The following OSR1 variants were observed in gnomAD, a reference collection of about 807,000 sequenced individuals.
OSR1 encodes protein odd-skipped-related 1.
A neutral mutation model predicts 15.7 loss-of-function variants in OSR1; 3 were observed. The ratio of observed to expected loss-of-function variants is 0.19; its 90% CI spans 0.09 to 0.50. OSR1 has a LOEUF of 0.50. Ranked by LOEUF, OSR1 falls within the 20% of genes least tolerant of loss-of-function variation. The pLI, the probability that OSR1 is intolerant of heterozygous loss-of-function variation, is 0.97. For synonymous variants in OSR1, 166 were observed against 152.7 expected (o/e 1.09, Z -0.64); for missense variants, 271 against 351.1 (o/e 0.77, Z 1.82).
At chr2:19,348,908 C>T (rs2103356771), downstream of OSR1, among the ~76,000 whole-genome samples, 1 of 152,330 alleles carries the variant, frequency 6.6e-6, no homozygotes, top group Admixed American at 6.5e-5. Context: ...GCTTCCCCAG[C>T]CGTACACAAA....
At chr2:19,351,299 A>T (rs1474756699), downstream of OSR1, among the ~76,000 whole-genome samples, 2 of 151,998 alleles carry the variant, frequency 1.3e-5, no homozygotes, top group Non-Finnish European at 2.9e-5. Context: ...AAATCAATAC[A>T]TGGTGGGGCG....
chr2:19,347,656 C>A (rs757725906), downstream of OSR1, among the ~76,000 whole-genome samples: 2 of 152,188 alleles, frequency 1.3e-5, no homozygotes, highest in African/African-American at 4.8e-5. Flanking sequence ...GACACCAGGG[C>A]GTTCCACCGG....
intron 2 of OSR1, among the ~76,000 whole-genome samples, chr2:19,352,863 C>CA (rs1664868132): frequency 6.6e-6 from 1 of 152,198 alleles, no homozygotes; most frequent in Admixed American, 6.5e-5. Flanking sequence ...ACATGTCACA[C>CA]CCCTGAGGAT....
In OSR1 at chr2:19,357,605, A is replaced by G. The variant is rs907177339; in HGVS notation, c.-33+736T>C. 5 of 152,186 alleles carry G rather than the reference A, an allele frequency of 3.3e-5. No homozygotes were observed. Among genetic ancestry groups the G allele is most frequent in the Admixed American group, 3.3e-4 (5 of 15,280 alleles). The allele number at this position is 152,186 out of a possible 1,614,324, so 9.4% of individuals were successfully genotyped here. A position where few individuals can be genotyped will look rare whatever the true frequency, so the allele number is the denominator to read the frequency against. On this transcript the variant is annotated intron_variant, in intron 1 of 2. Coordinates refer to ENST00000272223, the MANE Select transcript of OSR1 (RefSeq NM_145260.3). The surrounding 1 kb of genome is among the most constrained non-coding windows in gnomAD (Gnocchi z 5.0). Reference sequence around the variant, plus strand: ...CAGCCCGGAGACCCTAGGGCTCCACAGAGTTTCCACTAGTGCTGTGTGTGG... The same window carrying G: ...CAGCCCGGAGACCCTAGGGCTCCACGGAGTTTCCACTAGTGCTGTGTGTGG...
Position 19,357,053 on chromosome 2 carries a change from G to A in OSR1, c.-33+1288C>T, listed in dbSNP as rs763914998. On this transcript the variant is annotated intron_variant, in intron 1 of 2. Coordinates refer to ENST00000272223, the MANE Select transcript of OSR1 (RefSeq NM_145260.3). The surrounding 1 kb of genome is among the most constrained non-coding windows in gnomAD (Gnocchi z 5.0). ...CGGACCCCCGTGAAGAGGACTGACC[G>A]GCACCGGATACTTCTATAGCATTCT... 2 of 152,120 alleles carry A rather than the reference G, an allele frequency of 1.3e-5. No individual in the cohort carries two copies. Among genetic ancestry groups the A allele is most frequent in the Non-Finnish European group, 2.9e-5 (2 of 68,018 alleles). 9.4% of individuals were successfully genotyped at this position (152,120 alleles called of 1,614,324 possible).
chr2:19,351,130 C>G (rs1374151569), downstream of OSR1, among the ~76,000 whole-genome samples: 1 of 152,164 alleles, frequency 6.6e-6, no homozygotes, highest in Non-Finnish European at 1.5e-5. Context: ...TAAGCGATCT[C>G]AGCACCCAGA....
At chr2:19,354,250 C>T (rs1558360207) in intron 1 of OSR1, 1 of 164,326 alleles carries the variant, frequency 6.1e-6, no homozygotes, top group Non-Finnish European at 1.3e-5. Flanking sequence ...CATACTTACA[C>T]ATTTATTTGC....
In OSR1 at chr2:19,353,502, T is replaced by C; in HGVS notation, c.304A>G (p.Ile102Val). Residue 102 changes from isoleucine (I) to valine (V), a missense_variant, in exon 2 of 3, where the codon ATC becomes GTC. Transcript: ENST00000272223. ...FPHVIQPKPE[I>V]TAGGSVPALK... ...GCTGGAACGCTGCCTCCAGCGGTGA[T>C]CTCGGGCTTGGGTTGAATGACATGA... 1.2e-6 allele frequency: 2 copies of C among 1,614,150 alleles called. No homozygotes were observed. The highest frequency in any genetic ancestry group is 1.7e-6 in the Non-Finnish European group (2 of 1,180,010).
chr2:19,357,898 C>T lies in OSR1; in HGVS notation c.-33+443G>A. 1 of 152,462 alleles carries T rather than the reference C, an allele frequency of 6.6e-6. No individual in the cohort carries two copies. Among genetic ancestry groups the T allele is most frequent in the Admixed American group, 6.5e-5 (1 of 15,314 alleles). 9.4% of individuals were successfully genotyped at this position (152,462 alleles called of 1,614,324 possible). A position where few individuals can be genotyped will look rare whatever the true frequency, so the allele number is the denominator to read the frequency against. ...GGCATGCACCTGTCCCTGGCGCGGT[C>T]GGCTGCGGCTGTGGCCATTCACTCC... On this transcript the variant is annotated intron_variant, in intron 1 of 2. Coordinates refer to ENST00000272223, the MANE Select transcript of OSR1 (RefSeq NM_145260.3). The surrounding 1 kb of genome is among the most constrained non-coding windows in gnomAD (Gnocchi z 5.0).
At chr2:19,350,357 T>A (rs953528681), downstream of OSR1, among the ~76,000 whole-genome samples, 1 of 152,216 alleles carries the variant, frequency 6.6e-6, no homozygotes, top group African/African-American at 2.4e-5. Flanking sequence ...CAGTGCCCAG[T>A]TGGGTTCCCG....
intron 1 of OSR1, 68 bp from the exon 2 acceptor site, chr2:19,353,905 C>T (rs937035681): frequency 7.6e-7 from 1 of 1,310,838 alleles, no homozygotes; most frequent in Non-Finnish European, 1.0e-6. Context: ...TCGCCTTCCT[C>T]CTGAATTCCA....
At chr2:19,352,488 G>A (rs1486008638) in intron 2 of OSR1, 78 bp from the exon 3 acceptor site, 7 of 1,534,444 alleles carry the variant, frequency 4.6e-6, no homozygotes, top group African/African-American at 2.7e-5. Flanking sequence ...CCCTCCCACT[G>A]CTGTGGGGCA....
chr2:19,346,905 C>T (rs189560181), downstream of OSR1, among the ~76,000 whole-genome samples: 2 of 152,326 alleles, frequency 1.3e-5, no homozygotes, highest in Non-Finnish European at 2.9e-5. Flanking sequence ...ACACCTCAGT[C>T]GCCATAGGTT....
At position 19,358,100 on chromosome 2, in the gene OSR1, C is replaced by G. The variant is rs113146927; in HGVS notation, c.-33+241G>C. ...GAGCCGGGCGGGCTGGCCGCAGTAG[C>G]GGAGGCCCGCCCCCCTTAATCCCCA... On this transcript the variant is annotated intron_variant, in intron 1 of 2. Transcript: ENST00000272223. Among the ~76,000 whole-genome samples, 7 of 152,384 alleles carry G rather than the reference C, an allele frequency of 4.6e-5. 1 individual carries two copies. The highest frequency in any genetic ancestry group is 1.7e-4 in the African/African-American group (7 of 41,602).
chr2:19,354,005 G>C lies in OSR1; in HGVS notation c.-32-168C>G, dbSNP rs1664897971. The stretch of plus-strand genomic sequence containing the variant: ...ACCCACTGCCCTCACAAAGAGGGTG[G>C]GAATGTAAGACGCAGGGGAGCCCTC... On this transcript the variant is annotated intron_variant, in intron 1 of 2. Transcript: ENST00000272223. 5.0e-6 allele frequency: 3 copies of C among 602,970 alleles called. No homozygotes were observed. In the South Asian group the frequency reaches 7.0e-5, roughly 14 times the overall value. 37.4% of individuals were successfully genotyped at this position (602,970 alleles called of 1,614,324 possible). A position where few individuals can be genotyped will look rare whatever the true frequency, so the allele number is the denominator to read the frequency against.
At chr2:19,349,475 A>G (rs1262120296), downstream of OSR1, among the ~76,000 whole-genome samples, 14 of 152,294 alleles carry the variant, frequency 9.2e-5, no homozygotes, top group Admixed American at 7.8e-4. Flanking sequence ...CCCATCCCCA[A>G]TTTAAAATTC....
downstream of OSR1, among the ~76,000 whole-genome samples, chr2:19,350,034 A>T (rs191686152): frequency 2.7e-3 from 408 of 152,254 alleles, 3 homozygotes; most frequent in African/African-American, 9.3e-3. Context: ...AGTTCTCAGG[A>T]ATGGGGGCAT....
chr2:19,352,149 G>T lies in OSR1; in HGVS notation c.*126C>A. On this transcript the variant is annotated 3_prime_UTR_variant, in exon 3 of 3. Coordinates refer to ENST00000272223, the MANE Select transcript of OSR1 (RefSeq NM_145260.3). ...TGCCGCGTGCGCCAGGGACCCAGGG[G>T]ACAATGTTGGAGAGGTGGAAGGTCC... is the stretch of plus-strand genomic sequence containing the variant. The T allele has an allele frequency of 1.8e-6, 2 of 1,110,162 alleles. No homozygotes were observed. Among genetic ancestry groups the T allele is most frequent in the Non-Finnish European group, 2.5e-6 (2 of 798,554 alleles). The allele number at this position is 1,110,162 out of a possible 1,614,324, so 68.8% of individuals were successfully genotyped here.
rs942889111 is a variant in OSR1 at position 19,357,515 on chromosome 2, C to T, written c.-33+826G>A. ...CAGGCAGCCCTTCACCCCTTTCCCC[C>T]TTCTTTCTCTCCTGACGGCTGGATT... On this transcript the variant is annotated intron_variant, in intron 1 of 2. Coordinates refer to ENST00000272223, the MANE Select transcript of OSR1 (RefSeq NM_145260.3). This position sits in a 1 kb window ranked among gnomAD's most constrained non-coding sequence, Gnocchi z 5.0. 6.6e-6 allele frequency among the ~76,000 whole-genome samples: 1 copy of T among 152,176 alleles called. No homozygotes were observed. The highest frequency in any genetic ancestry group is 2.1e-4 in the South Asian group (1 of 4,828).
Sources: allele counts gnomAD v4.1 joint callset (sites outside exome capture counted in the v4.1 genomes callset), GRCh38; gene constraint gnomAD v4.1.1; non-coding constraint Gnocchi (gnomAD v3.1); transcripts MANE v1.5; gene names NCBI Gene and HGNC (gene_info 2026-07-23, HGNC 2026-07-21).